The following CR1L variants were observed in gnomAD, a reference collection of about 807,000 sequenced individuals.
CR1L encodes complement component receptor 1-like protein.
CR1L carries 59 observed loss-of-function variants against 62.3 expected under a neutral mutation model. The ratio of observed to expected loss-of-function variants is 0.95; its 90% CI spans 0.77 to 1.18. The LOEUF (loss-of-function observed/expected upper bound fraction) is 1.18. Ranked by LOEUF, CR1L falls within the 50% of genes most tolerant of loss-of-function variation. The pLI is 0.00. For synonymous variants in CR1L, 279 were observed against 248.7 expected (o/e 1.12, Z -1.15); for missense variants, 700 against 702.8 (o/e 1.00, Z 0.04).
chr1:207,655,114 A>T (rs1663284788), intron 1 of CR1L: 1 of 374,712 alleles, frequency 2.7e-6, no homozygotes, highest in African/African-American at 2.1e-5. Context: ...AAAATAAACC[A>T]TATAAAAAGT....
rs1571641719 is a variant in CR1L, at chr1:207,652,623, A to G, written c.97+7293A>G. 29 of 1,382,172 alleles carry G rather than the reference A, an allele frequency of 2.1e-5. No homozygotes were observed. In the South Asian group the frequency reaches 3.1e-4, roughly 15 times the overall value. 85.6% of individuals were successfully genotyped at this position (1,382,172 alleles called of 1,614,324 possible). The stretch of plus-strand genomic sequence containing the variant: ...CAAAACCCTACTATGAGATTGGGGA[A>G]CAAGTAGATTATAAGTGTAAAAAAG... On this transcript the variant is annotated intron_variant, in intron 1 of 11. Coordinates refer to ENST00000508064, the MANE Select transcript of CR1L (RefSeq NM_175710.2).
At chr1:207,674,569 C>A (rs1305525564) in intron 1 of CR1L, among the ~76,000 whole-genome samples, 1 of 152,096 alleles carries the variant, frequency 6.6e-6, no homozygotes, top group Non-Finnish European at 1.5e-5. Context: ...GCATATACTA[C>A]TATAAAGGTA....
At chr1:207,666,684 C>T (rs1663529263) in intron 1 of CR1L, among the ~76,000 whole-genome samples, 1 of 152,094 alleles carries the variant, frequency 6.6e-6, no homozygotes, top group Non-Finnish European at 1.5e-5. Context: ...GGGAACAACA[C>T]ATACTGGGAT....
intron 1 of CR1L, among the ~76,000 whole-genome samples, chr1:207,664,049 G>A (rs1052551120): frequency 1.3e-5 from 2 of 152,180 alleles, no homozygotes; most frequent in Admixed American, 6.5e-5. Flanking sequence ...TGAAAGGCAG[G>A]AAAAGTCCTT....
chr1:207,681,833 A>G (rs555826013), intron 3 of CR1L, among the ~76,000 whole-genome samples: 5 of 152,284 alleles, frequency 3.3e-5, no homozygotes, highest in African/African-American at 1.2e-4. Context: ...TGTTTACTTC[A>G]TTTGTTCTCT....
At chr1:207,683,300 C>T (rs1423565248) in intron 3 of CR1L, among the ~76,000 whole-genome samples, 1 of 151,984 alleles carries the variant, frequency 6.6e-6, no homozygotes, top group Non-Finnish European at 1.5e-5. Context: ...CCATGCGTGG[C>T]TTTTTAATAA....
chr1:207,708,118 T>G, intron 9 of CR1L, 60 bp from the exon 10 acceptor site: 1 of 1,579,132 alleles, frequency 6.3e-7, no homozygotes, highest in East Asian at 2.3e-5. Context: ...CACATATGCA[T>G]GCTGTCAGGA....
At chr1:207,685,701 G>C (rs1011895365) in intron 4 of CR1L, among the ~76,000 whole-genome samples, 1 of 152,290 alleles carries the variant, frequency 6.6e-6, no homozygotes, top group South Asian at 2.1e-4. Flanking sequence ...CAGAGAATGA[G>C]CCATCGCAGA....
chr1:207,707,258 G>T (rs1664281511), intron 9 of CR1L, among the ~76,000 whole-genome samples: 1 of 152,194 alleles, frequency 6.6e-6, no homozygotes, highest in South Asian at 2.1e-4. Flanking sequence ...TCATGTTTGG[G>T]TCAGGTCATT....
intron 1 of CR1L, among the ~76,000 whole-genome samples, chr1:207,662,024 C>T (rs1663432717): frequency 6.6e-6 from 1 of 152,210 alleles, no homozygotes; most frequent in African/African-American, 2.4e-5. Flanking sequence ...CGCTGTTAGT[C>T]TGATGGGCGT....
At chr1:207,678,391 A>T in intron 3 of CR1L, 94 bp downstream of exon 3, 1 of 1,107,888 alleles carries the variant, frequency 9.0e-7, no homozygotes, top group East Asian at 2.4e-5. Flanking sequence ...GGACAACTAA[A>T]CTATTACCAT....
rs547423972 is a variant in CR1L at position 207,708,220 on chromosome 1, G to A, written c.1371G>A (p.Ser457=). Residue 457 remains serine (S), a synonymous_variant, in exon 10 of 12, where the codon TCG becomes TCA. Coordinates refer to ENST00000508064, the MANE Select transcript of CR1L (RefSeq NM_175710.2). Reference sequence around the variant, plus strand: ...ACTCATCTGCTGAATGTATCCTCTCGGGCAATACTGCCCATTGGAGCATGA... The same window carrying A: ...ACTCATCTGCTGAATGTATCCTCTCAGGCAATACTGCCCATTGGAGCATGA... ...IGHSSAECIL[S]GNTAHWSMKP... 7.2e-5 allele frequency: 116 copies of A among 1,611,386 alleles called. No individual in the cohort carries two copies. In the Admixed American group the frequency reaches 7.3e-4, roughly 10 times the overall value.
chr1:207,655,698 A>G (rs772930918), intron 1 of CR1L, among the ~76,000 whole-genome samples: 15 of 152,270 alleles, frequency 9.9e-5, no homozygotes, highest in Non-Finnish European at 2.2e-4. Context: ...TGGGCCTCCC[A>G]AAGTGCTGGG....
At chr1:207,692,771 C>T (rs1463297479) in intron 4 of CR1L, among the ~76,000 whole-genome samples, 1 of 151,418 alleles carries the variant, frequency 6.6e-6, no homozygotes, top group East Asian at 1.9e-4. Context: ...GATCTTCAGG[C>T]GTGCCATACC....
chr1:207,661,583 T>C (rs1480770749), intron 1 of CR1L, among the ~76,000 whole-genome samples: 1 of 152,150 alleles, frequency 6.6e-6, no homozygotes, highest in Non-Finnish European at 1.5e-5. Context: ...CACTGATGGG[T>C]CTTGACTCTT....
chr1:207,691,001 G>A (rs1050120516), intron 4 of CR1L, among the ~76,000 whole-genome samples: 1 of 152,170 alleles, frequency 6.6e-6, no homozygotes, highest in Non-Finnish European at 1.5e-5. Context: ...CACATTCACA[G>A]GTTTCAGAGA....
intron 1 of CR1L, among the ~76,000 whole-genome samples, chr1:207,671,966 A>G (rs1458583617): frequency 1.3e-5 from 2 of 150,864 alleles, no homozygotes; most frequent in Non-Finnish European, 2.9e-5. Context: ...AGAATGCAAG[A>G]CAAAAAATAG....
chr1:207,698,342 G>A (rs548986833), intron 7 of CR1L, among the ~76,000 whole-genome samples: 1 of 152,300 alleles, frequency 6.6e-6, no homozygotes, highest in South Asian at 2.1e-4. Context: ...GACTGAAAGT[G>A]TAAAAATCAG....
chr1:207,677,132 G>A (rs1023675097), intron 1 of CR1L, among the ~76,000 whole-genome samples: 1 of 151,834 alleles, frequency 6.6e-6, no homozygotes, highest in African/African-American at 2.4e-5. Flanking sequence ...TTTGAGCCTG[G>A]CCAACACGGT....
Sources: gnomAD v4.1 joint callset for allele counts (sites outside exome capture counted in the v4.1 genomes callset) on GRCh38, gnomAD v4.1.1 for gene constraint, MANE v1.5 for transcripts, NCBI Gene and HGNC (gene_info 2026-07-23, HGNC 2026-07-21) for gene names.